Variants in MAD1L1 observed in about 807,000 individuals in gnomAD.
MAD1L1 encodes mitotic arrest deficient 1 like 1.
In MAD1L1, 95 loss-of-function variants were observed where a neutral mutation model predicts 96.9. That is an observed-to-expected ratio of 0.98 (90% CI 0.83 to 1.16). The LOEUF is 1.16. MAD1L1 is among the 50% of genes most tolerant of loss of function. The pLI, the probability that MAD1L1 is intolerant of heterozygous loss-of-function variation, is 0.00. For synonymous variants in MAD1L1, 473 were observed against 396.6 expected, an observed-to-expected ratio of 1.19 and a Z score of -2.29; for missense variants, 1,007 against 954.4, an observed-to-expected ratio of 1.06 and a Z score of -0.73.
chr7:2,136,715 C>T (rs1788770495), intron 11 of MAD1L1, among the ~76,000 whole-genome samples: 1 of 152,176 alleles, frequency 6.6e-6, no homozygotes, highest in African/African-American at 2.4e-5. Flanking sequence ...GCAGTGGAGG[C>T]CATGGTGGGA....
chr7:1,869,517 A>G (rs10950411), intron 18 of MAD1L1, among the ~76,000 whole-genome samples: 107,053 of 151,964 alleles, frequency 0.7, 38,438 homozygotes, highest in African/African-American at 0.85. Flanking sequence ...CCCTCTTCCC[A>G]GCGCCTTTGC....
chr7:1,882,667 C>T (rs896360657), intron 18 of MAD1L1, among the ~76,000 whole-genome samples: 3 of 152,216 alleles, frequency 2.0e-5, no homozygotes, highest in Non-Finnish European at 4.4e-5. Context: ...CACACCTGCA[C>T]AGGGAGCAAG....
intron 11 of MAD1L1, among the ~76,000 whole-genome samples, chr7:2,136,335 G>A (rs1404248672): frequency 2.0e-5 from 3 of 152,204 alleles, no homozygotes; most frequent in Non-Finnish European, 4.4e-5. Context: ...CAGACTCCAG[G>A]CTGAGTGGCT....
chr7:2,230,086 A>G lies in MAD1L1; in HGVS notation c.48T>C (p.Ser16=). 1 of 1,611,104 alleles carries G rather than the reference A, an allele frequency of 6.2e-7. No homozygotes were observed. Among genetic ancestry groups the G allele is most frequent in the South Asian group, 1.1e-5 (1 of 90,360 alleles). ...CACGCTGAGAGATGAAGTTGTTCAA[A>G]GATCTCAGGGTGGATAAAACCATGG... ...ENTMVLSTLR[S]LNNFISQRVE... Residue 16 remains serine (S), a synonymous_variant, in exon 3 of 19, where the codon TCT becomes TCC. Transcript: ENST00000265854.
chr7:1,818,726 G>A (rs1415521902), intron 18 of MAD1L1, among the ~76,000 whole-genome samples: 2 of 151,926 alleles, frequency 1.3e-5, no homozygotes, highest in Non-Finnish European at 2.9e-5. Flanking sequence ...GGTGCACCCC[G>A]CCAGCGTCAG....
intron 10 of MAD1L1, among the ~76,000 whole-genome samples, chr7:2,168,541 CT>C (rs1476280049): frequency 6.6e-6 from 1 of 152,234 alleles, no homozygotes; most frequent in African/African-American, 2.4e-5. Flanking sequence ...GTGGCCTGGG[CT>C]TTCCTGAACT....
intron 10 of MAD1L1, among the ~76,000 whole-genome samples, chr7:2,189,890 C>T (rs954377400): frequency 2.0e-5 from 3 of 152,150 alleles, no homozygotes; most frequent in African/African-American, 7.2e-5. Context: ...TAAAACTAAC[C>T]TCATGCTTCA....
intron 17 of MAD1L1, among the ~76,000 whole-genome samples, chr7:1,916,884 G>A (rs1228611372): frequency 2.0e-5 from 3 of 151,994 alleles, no homozygotes; most frequent in East Asian, 1.9e-4. Context: ...AGCGAGAAGC[G>A]AGACCAGGGC....
intron 18 of MAD1L1, among the ~76,000 whole-genome samples, chr7:1,856,841 C>T (rs988046880): frequency 5.3e-5 from 8 of 152,182 alleles, no homozygotes; most frequent in African/African-American, 1.9e-4. Flanking sequence ...GCGGGCCTCT[C>T]CCAGGCTCTG....
At chr7:2,134,358 C>T (rs913470945) in intron 11 of MAD1L1, among the ~76,000 whole-genome samples, 8 of 152,214 alleles carry the variant, frequency 5.3e-5, no homozygotes, top group Admixed American at 2.0e-4. Context: ...TCTCTCTCAC[C>T]ACTCATTATT....
intron 15 of MAD1L1, among the ~76,000 whole-genome samples, chr7:1,970,769 T>C (rs1007984226): frequency 3.9e-5 from 6 of 152,152 alleles, no homozygotes; most frequent in South Asian, 2.1e-4. Flanking sequence ...GGTGGTAGAA[T>C]TGTAGATCAT....
intron 18 of MAD1L1, among the ~76,000 whole-genome samples, chr7:1,864,229 T>A (rs1562469326): frequency 6.6e-6 from 1 of 152,150 alleles, no homozygotes; most frequent in Non-Finnish European, 1.5e-5. Context: ...TGGCCACTTG[T>A]GTTGCTAGCA....
intron 14 of MAD1L1, among the ~76,000 whole-genome samples, chr7:2,001,780 C>A (rs755582046): frequency 4.6e-5 from 7 of 152,232 alleles, no homozygotes; most frequent in Admixed American, 3.9e-4. Context: ...CCTGCTTTGC[C>A]CCGACACCGT....
intron 10 of MAD1L1, among the ~76,000 whole-genome samples, chr7:2,175,624 T>G (rs1389320925): frequency 1.3e-5 from 2 of 152,194 alleles, no homozygotes; most frequent in East Asian, 3.9e-4. Flanking sequence ...AGAAAAACTC[T>G]GGCAACATAC....
chr7:1,981,964 C>T (rs1414487714), intron 14 of MAD1L1, among the ~76,000 whole-genome samples: 2 of 152,054 alleles, frequency 1.3e-5, no homozygotes, highest in African/African-American at 4.8e-5. Flanking sequence ...AACACGGATG[C>T]CCATGCCCTG....
intron 12 of MAD1L1, among the ~76,000 whole-genome samples, chr7:2,060,733 T>G (rs138518336): frequency 6.6e-6 from 1 of 152,176 alleles, no homozygotes; most frequent in African/African-American, 2.4e-5. Flanking sequence ...GGCCTTGCAA[T>G]AGAGGCTGCC....
intron 10 of MAD1L1, among the ~76,000 whole-genome samples, chr7:2,191,528 C>A (rs1392277123): frequency 1.3e-5 from 2 of 152,028 alleles, no homozygotes; most frequent in African/African-American, 4.8e-5. Flanking sequence ...CTCAGGAGTT[C>A]GAGACCAGTC....
intron 10 of MAD1L1, among the ~76,000 whole-genome samples, chr7:2,182,726 T>C (rs1791260546): frequency 6.6e-6 from 1 of 152,110 alleles, no homozygotes; most frequent in African/African-American, 2.4e-5. Flanking sequence ...TATGGTGCGA[T>C]TCCACTGATA....
At chr7:2,175,167 G>C (rs1031212454) in intron 10 of MAD1L1, 2 of 152,226 alleles carry the variant, frequency 1.3e-5, no homozygotes, top group Non-Finnish European at 2.9e-5. Context: ...CCAAGTGCAC[G>C]ACCATCGGCT....
Sources: allele counts gnomAD v4.1 joint callset (sites outside exome capture counted in the v4.1 genomes callset), GRCh38; gene constraint gnomAD v4.1.1; transcripts MANE v1.5; gene names NCBI Gene and HGNC (gene_info 2026-07-23, HGNC 2026-07-21).